The following COL13A1 variants were observed in gnomAD, a reference collection of about 807,000 sequenced individuals.
COL13A1 encodes collagen alpha-1(XIII) chain.
COL13A1 carries 89 observed loss-of-function variants against 130.9 expected under a neutral mutation model. That is an observed-to-expected ratio of 0.68 (90% CI 0.57 to 0.81). The LOEUF is 0.81. COL13A1 is among the 30% of genes least tolerant of loss of function. The pLI is 0.00. For missense variants in COL13A1, 879 were observed against 934.6 expected, an observed-to-expected ratio of 0.94 and a Z score of 0.78; for synonymous variants, 402 against 341.6, an observed-to-expected ratio of 1.18 and a Z score of -1.95.
chr10:69,952,219 T>C (rs2069683081), intron 38 of COL13A1, among the ~76,000 whole-genome samples: 1 of 152,144 alleles, frequency 6.6e-6, no homozygotes, highest in African/African-American at 2.4e-5. Context: ...GACACACACA[T>C]ACATATGTGC....
chr10:69,843,270 G>A (rs1028385977), intron 2 of COL13A1, among the ~76,000 whole-genome samples: 4 of 152,108 alleles, frequency 2.6e-5, no homozygotes, highest in Non-Finnish European at 4.4e-5. Flanking sequence ...GCCTAGGAGC[G>A]AGAAGAGGAG....
At chr10:69,947,446 T>G in intron 38 of COL13A1, 104 bp downstream of exon 38, 1 of 1,112,906 alleles carries the variant, frequency 9.0e-7, no homozygotes. Flanking sequence ...CAGTTTTTCC[T>G]GATAAGTCAT....
At position 69,898,782 on chromosome 10, in the gene COL13A1, C is replaced by T. The variant is rs765565863; in HGVS notation, c.750+20C>T. On this transcript the variant is annotated intron_variant, in intron 14 of 40. Coordinates refer to ENST00000645393, the MANE Select transcript of COL13A1 (RefSeq NM_001368882.1). ...TTCCAGGTAGACACCTCCCGTTTGT[C>T]CAGACCATGTGTGGTTTCCCAAGGG... The T allele has an allele frequency of 8.7e-6, 14 of 1,602,802 alleles. No homozygotes were observed. In the Middle Eastern group the frequency reaches 6.6e-4, roughly 76 times the overall value.
chr10:69,858,558 T>C (rs1857101714), intron 2 of COL13A1, among the ~76,000 whole-genome samples: 1 of 152,182 alleles, frequency 6.6e-6, no homozygotes, highest in Admixed American at 6.5e-5. Context: ...ACTACGACAC[T>C]GTGTGCATGT....
chr10:69,910,501 C>A, intron 17 of COL13A1, among the ~76,000 whole-genome samples: 1 of 152,178 alleles, frequency 6.6e-6, no homozygotes, highest in East Asian at 1.9e-4. Context: ...CCACCACCCC[C>A]AGCAGCTGGA....
chr10:69,802,782 T>A, intron 1 of COL13A1, 65 bp downstream of exon 1: 1 of 1,585,452 alleles, frequency 6.3e-7, no homozygotes. Flanking sequence ...GCCTCCAGAC[T>A]GTTCAGCCGG....
At position 69,888,442 on chromosome 10, in the gene COL13A1, G is replaced by A. The variant is rs2060817651; in HGVS notation, c.576+112G>A. On this transcript the variant is annotated intron_variant, in intron 9 of 40. Transcript: ENST00000645393. ...TGCTTTACTTAGAAAGAAAAGTCCT[G>A]GGGCTGAAGGTTGTCACTAGTGGGA... The A allele has an allele frequency of 2.9e-5, 42 of 1,451,424 alleles. No homozygotes were observed. In the South Asian group the frequency reaches 5.0e-4, roughly 17 times the overall value. 89.9% of individuals were successfully genotyped at this position (1,451,424 alleles called of 1,614,324 possible). A position where few individuals can be genotyped will look rare whatever the true frequency, so the allele number is the denominator to read the frequency against.
rs375417893 is a variant in COL13A1, at chr10:69,936,629, A to G, written c.1771-127A>G. The G allele has an allele frequency of 3.6e-3, 3,717 of 1,042,610 alleles. 64 individuals are homozygous for G. Among genetic ancestry groups the G allele is most frequent in the South Asian group, 0.032 (2,095 of 65,628 alleles). The allele number at this position is 1,042,610 out of a possible 1,614,324, so 64.6% of individuals were successfully genotyped here. On this transcript the variant is annotated intron_variant, in intron 32 of 40. Coordinates refer to ENST00000645393, the MANE Select transcript of COL13A1 (RefSeq NM_001368882.1). ...CACTTAGCATTTCTTTCTACCTCTC[A>G]TGGGCAGGGACCCCAAACCATACTC...
In COL13A1 at chr10:69,930,380, G is replaced by T; in HGVS notation, c.1531-20G>T. On this transcript the variant is annotated intron_variant, in intron 29 of 40. Transcript: ENST00000645393. The stretch of plus-strand genomic sequence containing the variant: ...TTCTCCATTAATGTGTCTAAGAAGC[G>T]TTTTTGGTATTTTCTAAAGGGACCT... 6.3e-7 allele frequency: 1 copy of T among 1,593,498 alleles called. No homozygotes were observed.
intron 31 of COL13A1, among the ~76,000 whole-genome samples, chr10:69,934,488 G>A (rs1209635815): frequency 1.3e-5 from 2 of 152,200 alleles, no homozygotes; most frequent in East Asian, 1.9e-4. Flanking sequence ...CCTGGCACAG[G>A]AGTCACTCCC....
chr10:69,916,672 A>C (rs905468533), intron 17 of COL13A1, among the ~76,000 whole-genome samples: 2 of 152,158 alleles, frequency 1.3e-5, no homozygotes, highest in African/African-American at 4.8e-5. Flanking sequence ...GAGGAGCAAC[A>C]ATGGACAGGT....
At chr10:69,882,942 T>A (rs1455600552) in intron 7 of COL13A1, among the ~76,000 whole-genome samples, 1 of 152,054 alleles carries the variant, frequency 6.6e-6, no homozygotes, top group African/African-American at 2.4e-5. Flanking sequence ...AGACAAAGGG[T>A]CCATTTGTCA....
In COL13A1 at chr10:69,934,435, G is replaced by A. The variant is rs563046589; in HGVS notation, c.1729-915G>A. Among the ~76,000 whole-genome samples, 18 of 152,358 alleles carry A rather than the reference G, an allele frequency of 1.2e-4. 1 individual carries two copies. The South Asian group carries it at 3.7e-3, about 32-fold the overall frequency. Reference sequence around the variant, plus strand: ...AAGTCCACAGGTCCAGGAAACAATAGGGACCTCCTGTCTGCCCAGTGTAGG... The same window carrying A: ...AAGTCCACAGGTCCAGGAAACAATAAGGACCTCCTGTCTGCCCAGTGTAGG... On this transcript the variant is annotated intron_variant, in intron 31 of 40. Coordinates refer to ENST00000645393, the MANE Select transcript of COL13A1 (RefSeq NM_001368882.1).
At chr10:69,910,190 G>A (rs1171351276) in intron 17 of COL13A1, among the ~76,000 whole-genome samples, 2 of 152,012 alleles carry the variant, frequency 1.3e-5, no homozygotes, top group African/African-American at 2.4e-5. Context: ...TCTGCTCTCT[G>A]CTTGGAGTAA....
At chr10:69,802,739 C>G (rs376544075) in intron 1 of COL13A1, 22 bp downstream of exon 1, 38 of 1,607,394 alleles carry the variant, frequency 2.4e-5, no homozygotes, top group Non-Finnish European at 3.1e-5. Flanking sequence ...TTGTTGCTGG[C>G]TTTTATCCCT....
At chr10:69,907,568 T>C (rs1331896651) in intron 17 of COL13A1, among the ~76,000 whole-genome samples, 1 of 151,858 alleles carries the variant, frequency 6.6e-6, no homozygotes, top group East Asian at 1.9e-4. Flanking sequence ...ACTAACCCAC[T>C]TCCATGATAA....
At chr10:69,877,570 G>T in intron 5 of COL13A1, 1 of 169,660 alleles carries the variant, frequency 5.9e-6, no homozygotes, top group South Asian at 1.5e-4. Flanking sequence ...GGCCAGCTGG[G>T]GCCATGGCTT....
At chr10:69,816,723 G>C (rs1044584727) in intron 1 of COL13A1, among the ~76,000 whole-genome samples, 1 of 152,140 alleles carries the variant, frequency 6.6e-6, no homozygotes, top group Non-Finnish European at 1.5e-5. Context: ...CCCCGAGGAA[G>C]AAGGGGGGTG....
At chr10:69,838,589 C>T (rs1180755546) in intron 2 of COL13A1, among the ~76,000 whole-genome samples, 1 of 152,240 alleles carries the variant, frequency 6.6e-6, no homozygotes, top group Non-Finnish European at 1.5e-5. Flanking sequence ...TGACCACCCA[C>T]ATTGCCCTTC....
Sources: gnomAD v4.1 joint callset for allele counts (sites outside exome capture counted in the v4.1 genomes callset) on GRCh38, gnomAD v4.1.1 for gene constraint, MANE v1.5 for transcripts, NCBI Gene and HGNC (gene_info 2026-07-23, HGNC 2026-07-21) for gene names.